Variants in SBF2 observed in about 807,000 individuals in gnomAD.
SBF2 encodes SET binding factor 2, also known as myotubularin-related protein 13.
Under a neutral mutation model 225.2 loss-of-function variants are expected in SBF2, and 112 were observed. That is an observed-to-expected ratio of 0.50 (90% CI 0.43 to 0.58). The LOEUF (loss-of-function observed/expected upper bound fraction) is 0.58. SBF2 is among the 20% of genes least tolerant of loss of function. The probability of loss-of-function intolerance (pLI) is 0.00; values close to 1 mark genes in which losing one functional copy is unlikely to be tolerated. For missense variants in SBF2, 1,996 were observed against 2,206.2 expected, an observed-to-expected ratio of 0.90 and a Z score of 1.91; for synonymous variants, 763 against 773.3, an observed-to-expected ratio of 0.99 and a Z score of 0.22.
At chr11:10,177,017 G>C (rs1956496190) in intron 2 of SBF2, among the ~76,000 whole-genome samples, 1 of 151,778 alleles carries the variant, frequency 6.6e-6, no homozygotes, top group African/African-American at 2.4e-5. Flanking sequence ...TTCATCCCTG[G>C]GATGCAAGGC....
chr11:9,994,731 T>G (rs944684694), intron 9 of SBF2, among the ~76,000 whole-genome samples: 2 of 151,892 alleles, frequency 1.3e-5, no homozygotes, highest in Admixed American at 6.6e-5. Context: ...TGTTTCTAAG[T>G]GTAATTAAAA....
intron 1 of SBF2, among the ~76,000 whole-genome samples, chr11:10,208,731 C>T (rs1957831257): frequency 6.6e-6 from 1 of 151,936 alleles, no homozygotes; most frequent in African/African-American, 2.4e-5. Context: ...AAAACACTGC[C>T]ACATTAAAAT....
chr11:10,098,571 A>G (rs1005271004), intron 2 of SBF2, among the ~76,000 whole-genome samples: 1 of 151,936 alleles, frequency 6.6e-6, no homozygotes, highest in African/African-American at 2.4e-5. Flanking sequence ...GAATTGCCTG[A>G]CAAAGAACTC....
intron 1 of SBF2, among the ~76,000 whole-genome samples, chr11:10,286,166 G>GCGCACACACACACACA (rs373771420): frequency 2.0e-5 from 3 of 147,238 alleles, no homozygotes; most frequent in African/African-American, 7.5e-5. Context: ...ACACGCACAC[G>GCGCACACACACACACA]CACACACACA....
intron 2 of SBF2, among the ~76,000 whole-genome samples, chr11:10,182,098 T>C (rs1036891770): frequency 1.3e-5 from 2 of 152,192 alleles, no homozygotes; most frequent in Non-Finnish European, 2.9e-5. Context: ...CCATACATGG[T>C]AATATCCGTA....
intron 17 of SBF2, among the ~76,000 whole-genome samples, chr11:9,884,259 T>C (rs1438526794): frequency 6.6e-6 from 1 of 152,162 alleles, no homozygotes; most frequent in Non-Finnish European, 1.5e-5. Flanking sequence ...ATCAATTCAA[T>C]TCAAGAAACT....
rs567024115 is a variant in SBF2, at chr11:9,983,235, T to TG, written c.1395+6261dup. On this transcript the variant is annotated intron_variant, in intron 13 of 39. Transcript: ENST00000256190. ...TGCCTGGAAACAGACTCAGGGCTACTGGGGGGCACAGCGGGAGAGAAACTG... is the reference window on the plus strand; with the variant it reads ...TGCCTGGAAACAGACTCAGGGCTACTGGGGGGGCACAGCGGGAGAGAAACTG... Among the ~76,000 whole-genome samples the TG allele has an allele frequency of 2.0e-4, 31 of 152,232 alleles. No homozygotes were observed. The South Asian group carries it at 3.9e-3, about 19-fold the overall frequency.
intron 3 of SBF2, among the ~76,000 whole-genome samples, chr11:10,033,663 AACACACAC>A (rs66939707): frequency 5.3e-5 from 8 of 149,674 alleles, no homozygotes; most frequent in South Asian, 4.2e-4. Context: ...GCTGTGATTA[AACACACAC>A]ACACACACAC....
At chr11:9,947,376 G>C (rs1865623865) in intron 16 of SBF2, among the ~76,000 whole-genome samples, 1 of 152,176 alleles carries the variant, frequency 6.6e-6, no homozygotes, top group Non-Finnish European at 1.5e-5. Context: ...AGCAGCTGCA[G>C]TGCTGAGATG....
chr11:9,964,625 A>G lies in SBF2; in HGVS notation c.1601-743T>C, dbSNP rs375048253. On this transcript the variant is annotated intron_variant, in intron 14 of 39. Transcript: ENST00000256190. Reference sequence around the variant, plus strand: ...GTGCAAACAAAGAGAAACGATCATGATCAATGAACTGTTACACTGGCTTAG... The same window carrying G: ...GTGCAAACAAAGAGAAACGATCATGGTCAATGAACTGTTACACTGGCTTAG... Among the ~76,000 whole-genome samples, 9 of 152,218 alleles carry G rather than the reference A, an allele frequency of 5.9e-5. 1 individual carries two copies. The South Asian group carries it at 1.9e-3, about 31-fold the overall frequency.
At chr11:9,848,441 G>A (rs1294484962) in intron 22 of SBF2, among the ~76,000 whole-genome samples, 10 of 152,160 alleles carry the variant, frequency 6.6e-5, no homozygotes, top group Admixed American at 2.0e-4. Flanking sequence ...AAATTTGAAA[G>A]GAAAAGGCAG....
At chr11:9,782,841 G>T (rs896760472) in intron 38 of SBF2, among the ~76,000 whole-genome samples, 1 of 148,304 alleles carries the variant, frequency 6.7e-6, no homozygotes, top group African/African-American at 2.5e-5. Flanking sequence ...CTGCACTCCA[G>T]CCTGGGTGAC....
chr11:10,104,360 A>G (rs1952459780), intron 2 of SBF2, among the ~76,000 whole-genome samples: 1 of 152,228 alleles, frequency 6.6e-6, no homozygotes, highest in Non-Finnish European at 1.5e-5. Context: ...TCAAAAGAAG[A>G]GCAGTTTGAA....
chr11:9,912,687 T>C (rs965412943), intron 16 of SBF2, among the ~76,000 whole-genome samples: 11 of 152,232 alleles, frequency 7.2e-5, no homozygotes, highest in Non-Finnish European at 1.5e-4. Flanking sequence ...AGCCAAAAGA[T>C]TGGACATTCC....
chr11:10,284,497 G>A (rs1963615824), intron 1 of SBF2, among the ~76,000 whole-genome samples: 1 of 151,872 alleles, frequency 6.6e-6, no homozygotes, highest in Admixed American at 6.5e-5. Context: ...TACCTATGAT[G>A]TACCAGGCAC....
intron 32 of SBF2, among the ~76,000 whole-genome samples, chr11:9,807,256 A>C (rs971277348): frequency 1.3e-5 from 2 of 152,176 alleles, no homozygotes; most frequent in Non-Finnish European, 2.9e-5. Flanking sequence ...ATCCTGACCA[A>C]GGCCCCATCC....
chr11:9,916,069 A>G (rs1260585494), intron 16 of SBF2, among the ~76,000 whole-genome samples: 1 of 152,154 alleles, frequency 6.6e-6, no homozygotes, highest in East Asian at 1.9e-4. Flanking sequence ...GTCTCCAAAA[A>G]CAGACAAACA....
At chr11:9,857,622 G>C (rs1590237646) in intron 18 of SBF2, among the ~76,000 whole-genome samples, 1 of 152,124 alleles carries the variant, frequency 6.6e-6, no homozygotes, top group Non-Finnish European at 1.5e-5. Flanking sequence ...GAAGATATAA[G>C]GCACAGTGAA....
intron 1 of SBF2, among the ~76,000 whole-genome samples, chr11:10,248,958 TG>T (rs1383966048): frequency 2.6e-5 from 4 of 151,426 alleles, no homozygotes; most frequent in African/African-American, 9.7e-5. Flanking sequence ...TAGCTGGGGG[TG>T]GTGGCGGGAG....
Sources: gnomAD v4.1 joint callset for allele counts (sites outside exome capture counted in the v4.1 genomes callset) on GRCh38, gnomAD v4.1.1 for gene constraint, MANE v1.5 for transcripts, NCBI Gene and HGNC (gene_info 2026-07-23, HGNC 2026-07-21) for gene names.